PISD: variants seen among roughly 807,000 people sequenced by gnomAD.
PISD encodes the protein phosphatidylserine decarboxylase proenzyme, mitochondrial.
Under a neutral mutation model 43.5 loss-of-function variants are expected in PISD, and 31 were observed. That is an observed-to-expected ratio of 0.71 (90% CI 0.54 to 0.96). PISD has a LOEUF of 0.96. Ranked by LOEUF, PISD falls within the 40% of genes least tolerant of loss-of-function variation. The pLI, the probability that PISD is intolerant of heterozygous loss-of-function variation, is 0.00. For missense variants in PISD, 523 were observed against 548.4 expected, an observed-to-expected ratio of 0.95 and a Z score of 0.46; for synonymous variants, 259 against 228.7, an observed-to-expected ratio of 1.13 and a Z score of -1.20.
At chr22:31,621,309 T>C in intron 5 of PISD, 25 bp downstream of exon 5, 8 of 1,613,376 alleles carry the variant, frequency 5.0e-6, no homozygotes, top group Non-Finnish European at 6.8e-6. Flanking sequence ...CAGGGCTGCC[T>C]AGCCCCGCCT....
At position 31,619,849 on chromosome 22, in the gene PISD, G is replaced by A. The variant is rs1284509513; in HGVS notation, c.1006-13C>T. On this transcript the variant is annotated splice_polypyrimidine_tract_variant and intron_variant, in intron 7 of 7. Transcript: ENST00000439502. ...TTGTGTGCAGGTCCTGTGGTGATAG[G>A]CTGGGGGTCAGTGGGGCCCAGGCCA... 4.7e-5 allele frequency: 75 copies of A among 1,593,392 alleles called. 1 individual carries two copies. The Admixed American group carries it at 1.3e-3, about 27-fold the overall frequency.
At chr22:31,631,172 C>T (rs1446755224) in intron 3 of PISD, among the ~76,000 whole-genome samples, 3 of 152,212 alleles carry the variant, frequency 2.0e-5, no homozygotes, top group African/African-American at 7.2e-5. Context: ...CTGTGAGCCG[C>T]CTGTCTGCAG....
At position 31,662,157 on chromosome 22, in the gene PISD, G is replaced by GA. The variant is rs773352927; in HGVS notation, c.51_52insT (p.Pro18SerfsTer10). 1.9e-5 allele frequency: 31 copies of GA among 1,607,238 alleles called. No individual in the cohort carries two copies. In the Admixed American group the frequency reaches 5.2e-4, roughly 27 times the overall value. ...GCGCTGCTATACCTGCTCCGCCACG[G>GA]CGCGACCCCGTGCAGTAATCCCAGA... On this transcript the variant is annotated frameshift_variant, in exon 1 of 8. Coordinates refer to ENST00000439502, the MANE Select transcript of PISD (RefSeq NM_001326411.2). LOFTEE classifies it high-confidence loss of function.
At position 31,629,095 on chromosome 22, in the gene PISD, G is replaced by A. The variant is rs541231865; in HGVS notation, c.322-7210C>T. The stretch of plus-strand genomic sequence containing the variant: ...GAGCAGTAAGGCAGTGTCCCCACCC[G>A]TCCCTCACCAACCAGGGTAAAGACC... On this transcript the variant is annotated intron_variant, in intron 3 of 7. Transcript: ENST00000439502. 7.1e-6 allele frequency: 7 copies of A among 985,382 alleles called. No homozygotes were observed. In the South Asian group the frequency reaches 1.4e-4, roughly 20 times the overall value. 61.0% of individuals were successfully genotyped at this position (985,382 alleles called of 1,614,324 possible).
intron 3 of PISD, chr22:31,625,875 T>G: frequency 6.4e-7 from 1 of 1,552,926 alleles, no homozygotes; most frequent in Admixed American, 1.9e-5. Context: ...TTTTCCTCTT[T>G]CCTCCCCTTC....
At chr22:31,645,070 G>A (rs551333688) in intron 3 of PISD, among the ~76,000 whole-genome samples, 3 of 152,042 alleles carry the variant, frequency 2.0e-5, no homozygotes, top group Admixed American at 2.0e-4. Flanking sequence ...GCAGTGAGCC[G>A]AGATCATGCC....
intron 1 of PISD, among the ~76,000 whole-genome samples, chr22:31,659,146 G>A (rs928532157): frequency 6.6e-6 from 1 of 151,970 alleles, no homozygotes; most frequent in African/African-American, 2.4e-5. Context: ...GAGACACCAC[G>A]CCCAGGCCTA....
At chr22:31,662,307 G>C, upstream of PISD, 1 of 1,266,310 alleles carries the variant, frequency 7.9e-7, no homozygotes, top group East Asian at 2.3e-5. Context: ...TGAGAAAAGC[G>C]CGGGTTGGGG....
intron 3 of PISD, chr22:31,625,601 C>T: frequency 4.9e-6 from 4 of 808,220 alleles, no homozygotes; most frequent in Non-Finnish European, 7.8e-6. Flanking sequence ...CTCTCCGACT[C>T]AGGGTGCTCA....
At chr22:31,642,720 G>A (rs1022411306) in intron 3 of PISD, among the ~76,000 whole-genome samples, 2 of 149,980 alleles carry the variant, frequency 1.3e-5, no homozygotes, top group Admixed American at 1.3e-4. Flanking sequence ...ACTTGAACCC[G>A]GGAGGCAGAG....
intron 3 of PISD, chr22:31,623,886 G>A (rs1480138399): frequency 1.3e-6 from 2 of 1,590,712 alleles, no homozygotes; most frequent in Non-Finnish European, 1.7e-6. Context: ...CAGGTCAGTG[G>A]CCAGGCTCTG....
chr22:31,625,050 C>T (rs1322109196), intron 3 of PISD, among the ~76,000 whole-genome samples: 3 of 152,200 alleles, frequency 2.0e-5, no homozygotes, highest in African/African-American at 4.8e-5. Context: ...AAAGTAACTG[C>T]ATTTAGCTAA....
At chr22:31,634,919 CA>C (rs2073372040) in intron 3 of PISD, among the ~76,000 whole-genome samples, 1 of 150,416 alleles carries the variant, frequency 6.6e-6, no homozygotes, top group African/African-American at 2.4e-5. Context: ...GTAATCCCAA[CA>C]CTTTGGGAGG....
At chr22:31,623,220 C>A (rs1176024852) in intron 3 of PISD, among the ~76,000 whole-genome samples, 1 of 152,216 alleles carries the variant, frequency 6.6e-6, no homozygotes, top group African/African-American at 2.4e-5. Flanking sequence ...ATTCCTGGGG[C>A]ATGCCTCTGG....
chr22:31,642,189 G>C lies in PISD; in HGVS notation c.321+5912C>G, dbSNP rs190754002. ...GAGGAAGAGCCAAGAGTGGCTCCAG[G>C]GTGGCTCACACCTGGAATCCCAGCA... On this transcript the variant is annotated intron_variant, in intron 3 of 7. Coordinates refer to ENST00000439502, the MANE Select transcript of PISD (RefSeq NM_001326411.2). 4.3e-4 allele frequency among the ~76,000 whole-genome samples: 65 copies of C among 151,298 alleles called. 7 individuals carry two copies. The highest frequency in any genetic ancestry group is 1.6e-3 in the African/African-American group (63 of 40,642).
chr22:31,618,491 T>A lies in PISD; in HGVS notation c.*1121A>T. 7.4e-7 allele frequency: 1 copy of A among 1,348,204 alleles called. No homozygotes were observed. The highest frequency in any genetic ancestry group is 9.7e-7 in the Non-Finnish European group (1 of 1,030,216). 83.5% of individuals were successfully genotyped at this position (1,348,204 alleles called of 1,614,324 possible). A position where few individuals can be genotyped will look rare whatever the true frequency, so the allele number is the denominator to read the frequency against. On this transcript the variant is annotated 3_prime_UTR_variant, in exon 8 of 8. Transcript: ENST00000439502. Reference sequence around the variant, plus strand: ...GGCCACCTCCAGGAACAGAACACAGTTTTAAGTTTGATTTTTTTTATTTCA... The same window carrying A: ...GGCCACCTCCAGGAACAGAACACAGATTTAAGTTTGATTTTTTTTATTTCA...
At chr22:31,625,951 G>A in intron 3 of PISD, 1 of 1,488,806 alleles carries the variant, frequency 6.7e-7, no homozygotes, top group Non-Finnish European at 8.9e-7. Context: ...AGGCTGGTTG[G>A]TGGCGCCGCT....
At chr22:31,652,237 T>TTA (rs984789463) in intron 1 of PISD, among the ~76,000 whole-genome samples, 1 of 152,020 alleles carries the variant, frequency 6.6e-6, no homozygotes, top group Non-Finnish European at 1.5e-5. Flanking sequence ...GTTCAAGCGA[T>TTA]TGTCATGCCT....
intron 1 of PISD, among the ~76,000 whole-genome samples, chr22:31,651,625 G>C (rs1225648839): frequency 6.6e-6 from 1 of 152,038 alleles, no homozygotes; most frequent in Non-Finnish European, 1.5e-5. Flanking sequence ...GCACATGCCT[G>C]TAATCCCAGC....
Sources: allele counts gnomAD v4.1 joint callset (sites outside exome capture counted in the v4.1 genomes callset), GRCh38; gene constraint gnomAD v4.1.1; transcripts MANE v1.5; gene names NCBI Gene and HGNC (gene_info 2026-07-23, HGNC 2026-07-21).